Variants in GSG1L observed in about 807,000 individuals in gnomAD.
GSG1L encodes the protein germ cell-specific gene 1-like protein.
GSG1L carries 24 observed loss-of-function variants against 42.1 expected under a neutral mutation model. The observed-to-expected ratio is 0.57, with a 90% CI of 0.41 to 0.80. GSG1L has a LOEUF of 0.80. Ranked by LOEUF, GSG1L falls within the 30% of genes least tolerant of loss-of-function variation. The pLI, the probability that GSG1L is intolerant of heterozygous loss-of-function variation, is 0.00. For missense variants in GSG1L, 445 were observed against 472.2 expected, an observed-to-expected ratio of 0.94 and a Z score of 0.53; for synonymous variants, 215 against 203.5, an observed-to-expected ratio of 1.06 and a Z score of -0.48.
chr16:28,030,535 G>C (rs2085945527), intron 1 of GSG1L, among the ~76,000 whole-genome samples: 2 of 152,222 alleles, frequency 1.3e-5, no homozygotes, highest in Non-Finnish European at 2.9e-5. Flanking sequence ...GAAACCAGTT[G>C]ATGTTATATG....
At chr16:27,986,965 C>A (rs1003058569) in intron 1 of GSG1L, among the ~76,000 whole-genome samples, 1 of 152,112 alleles carries the variant, frequency 6.6e-6, no homozygotes, top group Non-Finnish European at 1.5e-5. Flanking sequence ...GCCTGTAATC[C>A]CAGCACTTTG....
At chr16:27,937,307 G>A (rs558711174) in intron 2 of GSG1L, among the ~76,000 whole-genome samples, 11 of 150,966 alleles carry the variant, frequency 7.3e-5, no homozygotes, top group African/African-American at 2.0e-4. Flanking sequence ...GTGTGATCTC[G>A]GCTCACTGCA....
At chr16:28,038,411 C>A (rs992486535) in intron 1 of GSG1L, among the ~76,000 whole-genome samples, 1 of 152,230 alleles carries the variant, frequency 6.6e-6, no homozygotes, top group Admixed American at 6.5e-5. Context: ...GAGGCAGGAT[C>A]TGAACCCACA....
intron 4 of GSG1L, among the ~76,000 whole-genome samples, chr16:27,840,642 C>T (rs1226954042): frequency 7.2e-5 from 11 of 152,176 alleles, no homozygotes; most frequent in Non-Finnish European, 1.6e-4. Context: ...CCACACCTCC[C>T]GCGGTTCATG....
chr16:27,848,232 G>A (rs2083465058), intron 3 of GSG1L, among the ~76,000 whole-genome samples: 1 of 152,200 alleles, frequency 6.6e-6, no homozygotes, highest in African/African-American at 2.4e-5. Context: ...CTAGTCCAGA[G>A]ACCAGATCTG....
intron 1 of GSG1L, among the ~76,000 whole-genome samples, chr16:28,028,063 C>G (rs1435942316): frequency 6.6e-6 from 1 of 152,146 alleles, no homozygotes; most frequent in Non-Finnish European, 1.5e-5. Flanking sequence ...TTTGGCTGGT[C>G]ACGTACATGT....
chr16:28,043,088 G>A (rs1406443005), intron 1 of GSG1L, among the ~76,000 whole-genome samples: 1 of 152,214 alleles, frequency 6.6e-6, no homozygotes, highest in East Asian at 1.9e-4. Context: ...TTTGATATGA[G>A]TCATGGACAT....
At chr16:27,986,773 T>G (rs903669737) in intron 1 of GSG1L, among the ~76,000 whole-genome samples, 2 of 152,250 alleles carry the variant, frequency 1.3e-5, no homozygotes, top group Non-Finnish European at 1.5e-5. Flanking sequence ...GTGTTCTGCC[T>G]TCCAGCTGGA....
intron 1 of GSG1L, among the ~76,000 whole-genome samples, chr16:28,062,002 G>T (rs746408468): frequency 3.3e-5 from 5 of 152,222 alleles, no homozygotes; most frequent in African/African-American, 7.2e-5. Flanking sequence ...ACTAAGGGTG[G>T]AGGTCTGCTG....
chr16:27,980,045 C>T (rs1293975917), intron 1 of GSG1L, among the ~76,000 whole-genome samples: 5 of 152,160 alleles, frequency 3.3e-5, no homozygotes, highest in Non-Finnish European at 7.3e-5. Flanking sequence ...GCCCGGGCGT[C>T]TTCCCAAGCC....
chr16:28,037,991 A>G (rs960297474), intron 1 of GSG1L, among the ~76,000 whole-genome samples: 2 of 152,198 alleles, frequency 1.3e-5, no homozygotes, highest in Non-Finnish European at 2.9e-5. Flanking sequence ...CATCAGCACC[A>G]AGAAGAGCTA....
intron 3 of GSG1L, among the ~76,000 whole-genome samples, chr16:27,870,919 G>A (rs563164015): frequency 2.9e-4 from 44 of 151,330 alleles, no homozygotes; most frequent in Non-Finnish European, 5.9e-4. Context: ...AGCCTGTACC[G>A]GCCCTGCCTG....
intron 3 of GSG1L, among the ~76,000 whole-genome samples, chr16:27,869,813 A>C (rs1398121848): frequency 0.028 from 1,044 of 36,686 alleles, no homozygotes; most frequent in Middle Eastern, 0.065. Context: ...GTCTCCCTCC[A>C]TCTCTCTCTC....
chr16:28,034,828 T>A (rs1459865612), intron 1 of GSG1L, among the ~76,000 whole-genome samples: 6 of 152,122 alleles, frequency 3.9e-5, no homozygotes, highest in Admixed American at 3.9e-4. Context: ...AACAAAAATG[T>A]CTCCAGATAT....
chr16:27,966,625 C>A (rs1053399151), intron 1 of GSG1L, among the ~76,000 whole-genome samples: 2 of 152,188 alleles, frequency 1.3e-5, no homozygotes, highest in African/African-American at 4.8e-5. Context: ...TTCCCCTCTT[C>A]AGTCTTTCCT....
intron 3 of GSG1L, among the ~76,000 whole-genome samples, chr16:27,860,010 T>C (rs1258557055): frequency 6.6e-6 from 1 of 151,396 alleles, no homozygotes; most frequent in East Asian, 1.9e-4. Flanking sequence ...GGAAGGCCTG[T>C]GACTCTGGCA....
intron 2 of GSG1L, among the ~76,000 whole-genome samples, chr16:27,910,126 CTTT>C (rs11455704): frequency 1.5e-5 from 2 of 136,948 alleles, no homozygotes; most frequent in African/African-American, 2.8e-5. Context: ...TGCCTGGCTA[CTTT>C]TTTTTTTTTT....
intron 3 of GSG1L, among the ~76,000 whole-genome samples, chr16:27,866,861 C>T (rs745748235): frequency 4.6e-5 from 7 of 152,216 alleles, no homozygotes; most frequent in South Asian, 2.1e-4. Context: ...CATGAGCCAC[C>T]GAAACCGGCC....
intron 5 of GSG1L, among the ~76,000 whole-genome samples, chr16:27,810,859 G>T (rs935829767): frequency 6.6e-6 from 1 of 151,952 alleles, no homozygotes; most frequent in Non-Finnish European, 1.5e-5. Context: ...GGCTAATTTT[G>T]TATTTTTAGT....
Sources: gnomAD v4.1 joint callset for allele counts (sites outside exome capture counted in the v4.1 genomes callset) on GRCh38, gnomAD v4.1.1 for gene constraint, MANE v1.5 for transcripts, NCBI Gene and HGNC (gene_info 2026-07-23, HGNC 2026-07-21) for gene names.